The following USP35 variants were observed in gnomAD, a reference collection of about 807,000 sequenced individuals.
USP35 encodes the protein ubiquitin specific peptidase 35, also known as ubiquitin carboxyl-terminal hydrolase 35.
Under a neutral mutation model 83.8 loss-of-function variants are expected in USP35, and 69 were observed. The ratio of observed to expected loss-of-function variants is 0.82; its 90% CI spans 0.68 to 1.01. The LOEUF (loss-of-function observed/expected upper bound fraction) is 1.01, where lower values mean the gene tolerates loss of function less well. Among genes scored for constraint, USP35 ranks in the 50% least tolerant of loss-of-function variants. The pLI is 0.00. For synonymous variants in USP35, 714 were observed against 589.5 expected (o/e 1.21, Z -3.06); for missense variants, 1,503 against 1,362.5 (o/e 1.10, Z -1.62).
rs1185505942 is a variant in USP35, at chr11:78,211,196, A to G, written c.2889+452A>G. Among the ~76,000 whole-genome samples the G allele has an allele frequency of 5.3e-5, 8 of 150,252 alleles. No individual in the cohort carries two copies. The South Asian group carries it at 1.7e-3, about 32-fold the overall frequency. On this transcript the variant is annotated intron_variant, in intron 10 of 10. Coordinates refer to ENST00000529308, the MANE Select transcript of USP35 (RefSeq NM_020798.4). The stretch of plus-strand genomic sequence containing the variant: ...TCAGCTCCCACTTATGAGTAAGAGC[A>G]TGCGGTATTTGGTTTTCTGTTCCTG...
In USP35 at chr11:78,196,856, G is replaced by A. The variant is rs751795044; in HGVS notation, c.611G>A (p.Arg204His). The change falls in exon 2 of 11, where the codon CGC becomes CAC. Residue 204 changes from arginine (R) to histidine (H), a missense_variant. Transcript: ENST00000529308. This position sits in a 1 kb window ranked among gnomAD's most constrained non-coding sequence, Gnocchi z 4.8. The part of the protein sequence containing the change: ...QVSGLLAQLW[R>H]AQPAAILPCL... ...AGCGGGCTCCTGGCGCAGCTGTGGCGCGCACAGCCCGCCGCCATCCTGCCC... is the reference window on the plus strand; with the variant it reads ...AGCGGGCTCCTGGCGCAGCTGTGGCACGCACAGCCCGCCGCCATCCTGCCC... 8.0e-6 allele frequency: 12 copies of A among 1,504,228 alleles called. No homozygotes were observed. Among genetic ancestry groups the A allele is most frequent in the Non-Finnish European group, 8.8e-7 (1 of 1,131,234 alleles). 93.2% of individuals were successfully genotyped at this position (1,504,228 alleles called of 1,614,324 possible). A position where few individuals can be genotyped will look rare whatever the true frequency, so the allele number is the denominator to read the frequency against.
In USP35 at chr11:78,196,899, C is replaced by T. The variant is rs867465662; in HGVS notation, c.654C>T (p.Phe218=). 6.8e-6 allele frequency: 10 copies of T among 1,470,412 alleles called. No homozygotes were observed. The highest frequency in any genetic ancestry group is 1.4e-5 in the African/African-American group (1 of 69,120). 91.1% of individuals were successfully genotyped at this position (1,470,412 alleles called of 1,614,324 possible). Reference sequence around the variant, plus strand: ...TCCTGCCCTGCCTCAAAGAGCTGTTCGCAGTCATCTCCTGCGCAGGTGCGT... The same window carrying T: ...TCCTGCCCTGCCTCAAAGAGCTGTTTGCAGTCATCTCCTGCGCAGGTGCGT... ...AAILPCLKEL[F]AVISCAEEEP... Residue 218 remains phenylalanine, a synonymous_variant, in exon 2 of 11, where the codon TTC becomes TTT. Coordinates refer to ENST00000529308, the MANE Select transcript of USP35 (RefSeq NM_020798.4). This position sits in a 1 kb window ranked among gnomAD's most constrained non-coding sequence, Gnocchi z 4.8.
chr11:78,226,349 G>GACCT, the USP35 span: 1 of 802,860 alleles, frequency 1.2e-6, no homozygotes, highest in South Asian at 1.5e-5. Flanking sequence ...GAGTATCAGT[G>GACCT]ACCTAGGTGG....
rs1487853294 is a variant in USP35 at position 78,209,515 on chromosome 11, C to T, written c.1660C>T (p.Pro554Ser). Residue 554 changes from proline to serine, a missense_variant, in exon 10 of 11, where the codon CCG becomes TCG. Transcript: ENST00000529308. Reference sequence around the variant, plus strand: ...ACTCAAGCAGTCCAGCTCGCCCTCTCCGCCCGAGGAGCCCCCGGCCCCAAG... The same window carrying T: ...ACTCAAGCAGTCCAGCTCGCCCTCTTCGCCCGAGGAGCCCCCGGCCCCAAG... Reference protein sequence around the residue: ...QKLKQSSSPSPPEEPPAPSST... With the variant: ...QKLKQSSSPSSPEEPPAPSST... 7 of 1,613,990 alleles carry T rather than the reference C, an allele frequency of 4.3e-6. No homozygotes were observed. Among genetic ancestry groups the T allele is most frequent in the African/African-American group, 1.3e-5 (1 of 74,888 alleles).
chr11:78,216,208 C>G (rs1269023629), downstream of USP35: 1 of 152,430 alleles, frequency 6.6e-6, no homozygotes, highest in Non-Finnish European at 1.5e-5. Context: ...TATTTCTCAT[C>G]GTTCTCACTT....
intron 10 of USP35, 82 bp downstream of exon 10, chr11:78,210,826 C>A: frequency 7.2e-7 from 1 of 1,381,508 alleles, no homozygotes; most frequent in Non-Finnish European, 9.6e-7. Flanking sequence ...AAGTCATTTC[C>A]CCTCTAAGTC....
chr11:78,223,071 A>G, the USP35 span, among the ~76,000 whole-genome samples: 1 of 152,164 alleles, frequency 6.6e-6, no homozygotes, highest in African/African-American at 2.4e-5. Flanking sequence ...CTGCCTAGCT[A>G]TCCTACTCCT....
the USP35 span, among the ~76,000 whole-genome samples, chr11:78,224,180 A>G: frequency 6.6e-6 from 1 of 152,194 alleles, no homozygotes; most frequent in Non-Finnish European, 1.5e-5. Flanking sequence ...GCATCCACTA[A>G]TAATTTTTGA....
At chr11:78,235,097 C>G in the USP35 span, among the ~76,000 whole-genome samples, 1 of 152,116 alleles carries the variant, frequency 6.6e-6, no homozygotes, top group East Asian at 1.9e-4. Flanking sequence ...TAACATTAGG[C>G]TCCTTGCTAC....
Position 78,214,120 on chromosome 11 carries a change from T to TGATGATGTTCAGGA in USP35, c.*308_*321dup, listed in dbSNP as rs1489782186. ...AGCAGGCTCCCCATGCGGGAAGATC[T>TGATGATGTTCAGGA]GATGATGTTCAGGAAACAGGCTAGA... On this transcript the variant is annotated 3_prime_UTR_variant, in exon 11 of 11. Coordinates refer to ENST00000529308, the MANE Select transcript of USP35 (RefSeq NM_020798.4). 1.7e-5 allele frequency: 5 copies of TGATGATGTTCAGGA among 297,066 alleles called. No homozygotes were observed. In the East Asian group the frequency reaches 3.0e-4, roughly 18 times the overall value. The allele number at this position is 297,066 out of a possible 1,614,324, so 18.4% of individuals were successfully genotyped here.
chr11:78,198,564 G>T (rs73507216), intron 3 of USP35: 3 of 970,510 alleles, frequency 3.1e-6, no homozygotes, highest in African/African-American at 1.8e-5. Flanking sequence ...AGAATATGCC[G>T]CTCCCCTCCT....
downstream of USP35, chr11:78,218,559 GT>G: frequency 6.5e-6 from 1 of 153,308 alleles, no homozygotes; most frequent in Non-Finnish European, 1.5e-5. Context: ...TTGGCCATCA[GT>G]TTTCCCTTCC....
intron 6 of USP35, 92 bp from the exon 7 acceptor site, chr11:78,205,750 C>T (rs1343096125): frequency 1.4e-6 from 2 of 1,443,170 alleles, no homozygotes; most frequent in African/African-American, 1.4e-5. Flanking sequence ...TTGGGGTTGG[C>T]TGTATCTGAG....
chr11:78,209,403 G>C, intron 9 of USP35, 45 bp from the exon 10 acceptor site: 1 of 1,513,248 alleles, frequency 6.6e-7, no homozygotes, highest in Non-Finnish European at 8.9e-7. Context: ...TGCCCCGGAA[G>C]GGGACCCGCA....
At chr11:78,217,671 A>T (rs571464242), downstream of USP35, 1 of 152,394 alleles carries the variant, frequency 6.6e-6, no homozygotes, top group African/African-American at 2.4e-5. Flanking sequence ...CCCCACCCTT[A>T]GTTTAAGAGA....
Position 78,196,436 on chromosome 11 carries a change from T to A in USP35, c.191T>A (p.Leu64Gln). The change falls in exon 2 of 11, where the codon CTG (leucine) becomes CAG (glutamine). Residue 64 changes from leucine (L) to glutamine (Q), a missense_variant. Leu to Gln is a moderately radical substitution (Grantham distance 113). Transcript: ENST00000529308. This position sits in a 1 kb window ranked among gnomAD's most constrained non-coding sequence, Gnocchi z 4.8. ...EELPRRVGCQLLHVAGRHHPD... is the reference protein window; with the variant it reads ...EELPRRVGCQQLHVAGRHHPD... ...CTGCCGCGCCGCGTGGGCTGCCAGC[T>A]GCTGCACGTGGCCGGCCGCCACCAC... The A allele has an allele frequency of 7.8e-7, 1 of 1,279,892 alleles. No individual in the cohort carries two copies. Among genetic ancestry groups the A allele is most frequent in the East Asian group, 3.6e-5 (1 of 27,750 alleles). 79.3% of individuals were successfully genotyped at this position (1,279,892 alleles called of 1,614,324 possible). A position where few individuals can be genotyped will look rare whatever the true frequency, so the allele number is the denominator to read the frequency against.
intron 3 of USP35, chr11:78,198,785 C>A: frequency 2.5e-6 from 2 of 803,896 alleles, no homozygotes; most frequent in Non-Finnish European, 3.0e-6. Context: ...ACAAGTTACT[C>A]AACCTCTCTG....
chr11:78,226,653 G>A, the USP35 span: 1 of 1,614,044 alleles, frequency 6.2e-7, no homozygotes, highest in South Asian at 1.1e-5. Flanking sequence ...AGTGGCCACT[G>A]TCATGGCATT....
At chr11:78,233,076 A>G in the USP35 span, among the ~76,000 whole-genome samples, 11 of 132,632 alleles carry the variant, frequency 8.3e-5, no homozygotes, top group Non-Finnish European at 1.4e-4. Flanking sequence ...GTCTGGCTCT[A>G]TTGCCCAGGC....
Sources: gnomAD v4.1 joint callset for allele counts (sites outside exome capture counted in the v4.1 genomes callset) on GRCh38, gnomAD v4.1.1 for gene constraint, Gnocchi (gnomAD v3.1) non-coding constraint, MANE v1.5 for transcripts, NCBI Gene and HGNC (gene_info 2026-07-23, HGNC 2026-07-21) for gene names.